NPC1: variants seen among roughly 807,000 people sequenced by gnomAD.
The protein encoded by NPC1 is NPC intracellular cholesterol transporter 1.
NPC1 carries 85 observed loss-of-function variants against 140.4 expected under a neutral mutation model. The ratio of observed to expected loss-of-function variants is 0.61; its 90% CI spans 0.51 to 0.72. The LOEUF is 0.72. Ranked by LOEUF, NPC1 falls within the 30% of genes least tolerant of loss-of-function variation. The pLI, the probability that NPC1 is intolerant of heterozygous loss-of-function variation, is 0.00. For synonymous variants in NPC1, 656 were observed against 624.8 expected (o/e 1.05, Z -0.74); for missense variants, 1,504 against 1,623.8 (o/e 0.93, Z 1.27).
intron 6 of NPC1, among the ~76,000 whole-genome samples, chr18:23,559,436 G>A (rs921975735): frequency 6.7e-6 from 1 of 150,232 alleles, no homozygotes; most frequent in Non-Finnish European, 1.5e-5. Context: ...TATCTAAAAG[G>A]ACTATAGTAC....
At position 23,540,435 on chromosome 18, in the gene NPC1, G is replaced by T. The variant is rs1008753577; in HGVS notation, c.2604+13C>A. ...AAGAAGTTAAAAAAAAAAAAAAAAG[G>T]AAGTCATCTTACATCTGGCATCGAA... On this transcript the variant is annotated intron_variant, in intron 17 of 24. Transcript: ENST00000269228. 2 of 1,459,666 alleles carry T rather than the reference G, an allele frequency of 1.4e-6. No homozygotes were observed. Among genetic ancestry groups the T allele is most frequent in the Non-Finnish European group, 1.9e-6 (2 of 1,055,666 alleles). 90.4% of individuals were successfully genotyped at this position (1,459,666 alleles called of 1,614,324 possible). A position where few individuals can be genotyped will look rare whatever the true frequency, so the allele number is the denominator to read the frequency against.
chr18:23,579,111 C>A (rs564831053), intron 1 of NPC1, among the ~76,000 whole-genome samples: 1 of 152,328 alleles, frequency 6.6e-6, no homozygotes, highest in South Asian at 2.1e-4. Context: ...AACTGCCTAC[C>A]CTTCCTTCCT....
chr18:23,578,359 C>T (rs992374848), intron 1 of NPC1, among the ~76,000 whole-genome samples: 4 of 152,216 alleles, frequency 2.6e-5, no homozygotes, highest in African/African-American at 9.6e-5. Context: ...AACAGACTCT[C>T]AATAAAAGAG....
At chr18:23,572,533 T>C (rs1330729863) in intron 2 of NPC1, among the ~76,000 whole-genome samples, 1 of 152,148 alleles carries the variant, frequency 6.6e-6, no homozygotes, top group African/African-American at 2.4e-5. Context: ...TTAATAATTA[T>C]GATGAAAGCA....
intron 3 of NPC1, 34 bp from the exon 4 acceptor site, chr18:23,569,032 TCA>T: frequency 6.8e-7 from 1 of 1,479,628 alleles, no homozygotes. Context: ...CTGCATGATC[TCA>T]CACATAATAG....
At position 23,586,443 on chromosome 18, in the gene NPC1, G is replaced by A; in HGVS notation, c.-100C>T. 6.7e-7 allele frequency: 1 copy of A among 1,502,538 alleles called. No homozygotes were observed. The highest frequency in any genetic ancestry group is 1.3e-5 in the South Asian group (1 of 79,610). 93.1% of individuals were successfully genotyped at this position (1,502,538 alleles called of 1,614,324 possible). A position where few individuals can be genotyped will look rare whatever the true frequency, so the allele number is the denominator to read the frequency against. Reference sequence around the variant, plus strand: ...CGGGCTGTTTCAGCACCCCGCGCAGGAGGAGCGGAGGAGCAGGAGCAGGCG... The same window carrying A: ...CGGGCTGTTTCAGCACCCCGCGCAGAAGGAGCGGAGGAGCAGGAGCAGGCG... On this transcript the variant is annotated 5_prime_UTR_variant, in exon 1 of 25. Coordinates refer to ENST00000269228, the MANE Select transcript of NPC1 (RefSeq NM_000271.5).
intron 22 of NPC1, 67 bp from the exon 23 acceptor site, chr18:23,534,626 C>G: frequency 7.7e-7 from 1 of 1,293,008 alleles, no homozygotes; most frequent in African/African-American, 1.5e-5. Flanking sequence ...CCACCCCGTT[C>G]TGAGGATGGG....
At chr18:23,574,615 CAGG>C (rs907129709) in intron 1 of NPC1, among the ~76,000 whole-genome samples, 65 of 152,292 alleles carry the variant, frequency 4.3e-4, no homozygotes, top group African/African-American at 1.5e-3. Flanking sequence ...AAAAAGTCAG[CAGG>C]AGATTGGGAT....
chr18:23,534,427 C>A lies in NPC1; in HGVS notation c.3591+19G>T. The A allele has an allele frequency of 6.4e-7, 1 of 1,562,398 alleles. No homozygotes were observed. Among genetic ancestry groups the A allele is most frequent in the Non-Finnish European group, 8.8e-7 (1 of 1,135,222 alleles). Reference sequence around the variant, plus strand: ...TTGTGGTGCGACTCTGCCGGCGTGGCCCTGCTCAGGGTACTCACGGAGCTG... The same window carrying A: ...TTGTGGTGCGACTCTGCCGGCGTGGACCTGCTCAGGGTACTCACGGAGCTG... On this transcript the variant is annotated intron_variant, in intron 23 of 24. Transcript: ENST00000269228.
rs779065920 is a variant in NPC1 at position 23,554,940 on chromosome 18, A to G, written c.1371T>C (p.Tyr457=). Residue 457 remains tyrosine (Y), a synonymous_variant, in exon 9 of 25, where the codon TAT becomes TAC. Transcript: ENST00000269228. ...QIAIENITAS[Y]DNETVTLQDI... is the part of the protein sequence containing the mutation. ...CTTGAAGTGTCACAGTCTCATTGTCATAAGAGGCAGTAATGTTTTCGATGG... is the reference window on the plus strand; with the variant it reads ...CTTGAAGTGTCACAGTCTCATTGTCGTAAGAGGCAGTAATGTTTTCGATGG... 18 of 1,613,968 alleles carry G rather than the reference A, an allele frequency of 1.1e-5. No homozygotes were observed. The highest frequency in any genetic ancestry group is 1.3e-5 in the Non-Finnish European group (15 of 1,179,934).
At chr18:23,531,391 T>A (rs1301243902), downstream of NPC1, 2 of 720,800 alleles carry the variant, frequency 2.8e-6, no homozygotes, top group East Asian at 6.6e-5. Context: ...GGTCTATTTC[T>A]AGCTCAATGT....
chr18:23,531,149 C>T (rs2058490001), downstream of NPC1, among the ~76,000 whole-genome samples: 1 of 152,070 alleles, frequency 6.6e-6, no homozygotes, highest in Non-Finnish European at 1.5e-5. Flanking sequence ...TGCCACCACA[C>T]CCGGCTGATT....
intron 4 of NPC1, among the ~76,000 whole-genome samples, chr18:23,563,951 T>C (rs2059081450): frequency 6.6e-6 from 1 of 151,936 alleles, no homozygotes; most frequent in African/African-American, 2.4e-5. Flanking sequence ...TTTGCCATTT[T>C]AAATTGGGTT....
rs150506247 is a variant in NPC1 at position 23,534,783 on chromosome 18, G to A, written c.3478-224C>T. ...CCAAAAGCCTGGTTTTCTGTGGCAC[G>A]TTTGTGTTGACCAGGAGAAATTGCT... On this transcript the variant is annotated intron_variant, in intron 22 of 24. Coordinates refer to ENST00000269228, the MANE Select transcript of NPC1 (RefSeq NM_000271.5). 1.7e-3 allele frequency among the ~76,000 whole-genome samples: 262 copies of A among 152,266 alleles called. 5 individuals are homozygous for A. The highest frequency in any genetic ancestry group is 0.014 in the Admixed American group (213 of 15,304).
downstream of NPC1, among the ~76,000 whole-genome samples, chr18:23,517,803 C>T (rs1459938070): frequency 6.6e-6 from 1 of 152,116 alleles, no homozygotes; most frequent in Non-Finnish European, 1.5e-5. Context: ...CCACAACCTC[C>T]GCCTTCTAGG....
intron 1 of NPC1, among the ~76,000 whole-genome samples, chr18:23,574,887 C>T (rs1284947375): frequency 6.6e-6 from 1 of 151,960 alleles, no homozygotes; most frequent in Non-Finnish European, 1.5e-5. Flanking sequence ...CCCGGTGATT[C>T]TAAGGAAAAA....
chr18:23,536,908 C>A (rs1430988506), intron 20 of NPC1, 32 bp from the exon 21 acceptor site: 1 of 1,570,140 alleles, frequency 6.4e-7, no homozygotes, highest in Non-Finnish European at 8.8e-7. Flanking sequence ...TCAAGAGAGT[C>A]CAGGTCTTGC....
chr18:23,526,528 C>G, downstream of NPC1: 1 of 1,383,356 alleles, frequency 7.2e-7, no homozygotes, highest in Non-Finnish European at 9.8e-7. Context: ...TACTTTGCGG[C>G]TTTTTATCAC....
At chr18:23,513,211 C>T (rs1421177367) in intron 3 of NPC1, among the ~76,000 whole-genome samples, 4 of 152,222 alleles carry the variant, frequency 2.6e-5, no homozygotes, top group Non-Finnish European at 5.9e-5. Flanking sequence ...ACCTCAGCCT[C>T]CCAAAGTGCT....
Sources: allele counts gnomAD v4.1 joint callset (sites outside exome capture counted in the v4.1 genomes callset), GRCh38; gene constraint gnomAD v4.1.1; transcripts MANE v1.5; gene names NCBI Gene and HGNC (gene_info 2026-07-23, HGNC 2026-07-21).